The following METTL25 variants were observed in gnomAD, a reference collection of about 807,000 sequenced individuals.
METTL25 encodes probable methyltransferase-like protein 25.
A neutral mutation model predicts 71.6 loss-of-function variants in METTL25; 64 were observed. The observed-to-expected ratio is 0.89, with a 90% CI of 0.73 to 1.10. METTL25 has a LOEUF of 1.10. Among genes scored for constraint, METTL25 ranks in the 50% least tolerant of loss-of-function variants. The pLI is 0.00. For synonymous variants in METTL25, 287 were observed against 250.3 expected (o/e 1.15, Z -1.38); for missense variants, 807 against 707.0 (o/e 1.14, Z -1.60).
At chr12:82,477,248 C>T in intron 10 of METTL25, 33 bp from the exon 11 acceptor site, 1 of 999,866 alleles carries the variant, frequency 1.0e-6, no homozygotes, top group Non-Finnish European at 1.5e-6. Flanking sequence ...TTTTAAGTAC[C>T]ACCAACCTAC....
chr12:82,383,994 T>G (rs1232765559), intron 1 of METTL25, among the ~76,000 whole-genome samples: 2 of 152,164 alleles, frequency 1.3e-5, no homozygotes, highest in African/African-American at 2.4e-5. Flanking sequence ...ATAACTTGTC[T>G]TATCAGAAAC....
At chr12:82,440,947 G>C (rs1890274510) in intron 8 of METTL25, among the ~76,000 whole-genome samples, 2 of 152,090 alleles carry the variant, frequency 1.3e-5, no homozygotes, top group South Asian at 4.1e-4. Flanking sequence ...AGCAGGATCT[G>C]TCAGTTCTGG....
intron 6 of METTL25, among the ~76,000 whole-genome samples, chr12:82,431,487 AAATTAAAAT>A (rs1889496020): frequency 1.3e-5 from 2 of 151,654 alleles, no homozygotes; most frequent in Non-Finnish European, 3.0e-5. Flanking sequence ...TGTTATCAGA[AAATTAAAAT>A]ACTGCAGCTA....
intron 1 of METTL25, among the ~76,000 whole-genome samples, chr12:82,372,689 A>G (rs572032001): frequency 2.0e-4 from 31 of 152,104 alleles, no homozygotes; most frequent in Non-Finnish European, 2.6e-4. Flanking sequence ...TGCAGGTCAA[A>G]TTGGTCCCAG....
rs1202430934 is a variant in METTL25, at chr12:82,438,777, T to C, written c.1464T>C (p.Tyr488=). The change falls in exon 8 of 12, where the codon TAT becomes TAC. Residue 488 remains tyrosine (Y), a synonymous_variant. Coordinates refer to ENST00000248306, the MANE Select transcript of METTL25 (RefSeq NM_032230.3). Reference sequence around the variant, plus strand: ...TTCAGGATATTATTAAAGATTGTTATGGCATCACCAAATGGTATGAGGATT... The same window carrying C: ...TTCAGGATATTATTAAAGATTGTTACGGCATCACCAAATGGTATGAGGATT... The part of the protein sequence containing the change: ...AVLQDIIKDC[Y]GITKCDRHVG... 1.3e-6 allele frequency: 2 copies of C among 1,509,002 alleles called. No homozygotes were observed. Among genetic ancestry groups the C allele is most frequent in the African/African-American group, 1.4e-5 (1 of 71,638 alleles). 93.5% of individuals were successfully genotyped at this position (1,509,002 alleles called of 1,614,324 possible).
chr12:82,379,931 A>T (rs1884260841), intron 1 of METTL25, among the ~76,000 whole-genome samples: 1 of 152,182 alleles, frequency 6.6e-6, no homozygotes, highest in Non-Finnish European at 1.5e-5. Flanking sequence ...TCCCACATTT[A>T]AAAGCTAAGT....
chr12:82,406,822 T>C (rs914642524), intron 5 of METTL25, among the ~76,000 whole-genome samples: 14 of 152,288 alleles, frequency 9.2e-5, no homozygotes, highest in African/African-American at 3.4e-4. Flanking sequence ...CGTGTGGTGA[T>C]ATCCACTGTG....
At chr12:82,395,159 C>T (rs1342439478) in intron 3 of METTL25, among the ~76,000 whole-genome samples, 1 of 152,002 alleles carries the variant, frequency 6.6e-6, no homozygotes, top group Non-Finnish European at 1.5e-5. Context: ...ATATTTGCCT[C>T]TTTTCTTTAC....
intron 5 of METTL25, among the ~76,000 whole-genome samples, chr12:82,424,490 C>G (rs1888824477): frequency 6.6e-6 from 1 of 151,834 alleles, no homozygotes; most frequent in African/African-American, 2.4e-5. Context: ...ACATATGTAA[C>G]TAACCTGCAC....
intron 9 of METTL25, among the ~76,000 whole-genome samples, chr12:82,466,371 G>A (rs1892234053): frequency 6.6e-6 from 1 of 150,510 alleles, no homozygotes. Context: ...GGTCATTCAG[G>A]AGCATGTTTT....
chr12:82,458,589 T>A (rs757678589), intron 9 of METTL25, among the ~76,000 whole-genome samples: 1 of 151,948 alleles, frequency 6.6e-6, no homozygotes, highest in African/African-American at 2.4e-5. Context: ...CTTTGTGAGT[T>A]TTACCTTAAT....
chr12:82,368,817 A>G (rs1042605622), intron 1 of METTL25, among the ~76,000 whole-genome samples: 1 of 152,176 alleles, frequency 6.6e-6, no homozygotes, highest in African/African-American at 2.4e-5. Flanking sequence ...AAGTCTATAT[A>G]ACCAGTCAGT....
chr12:82,414,392 G>A (rs948395148), intron 5 of METTL25, among the ~76,000 whole-genome samples: 3 of 152,086 alleles, frequency 2.0e-5, no homozygotes, highest in Non-Finnish European at 4.4e-5. Flanking sequence ...TTTGCCATGG[G>A]GCATGTTCTT....
chr12:82,402,138 A>T (rs141546966), intron 4 of METTL25, among the ~76,000 whole-genome samples: 36 of 152,168 alleles, frequency 2.4e-4, no homozygotes, highest in African/African-American at 8.4e-4. Context: ...ATTAGAATAA[A>T]CATTTCATAG....
chr12:82,439,590 A>T (rs577589508), intron 8 of METTL25, among the ~76,000 whole-genome samples: 2 of 151,844 alleles, frequency 1.3e-5, no homozygotes, highest in African/African-American at 4.8e-5. Context: ...CTTTTTACGG[A>T]TAGAAGTTAC....
rs559663131 is a variant in METTL25, at chr12:82,373,526, C to T, written c.260-13277C>T. On this transcript the variant is annotated intron_variant, in intron 1 of 11. Transcript: ENST00000248306. The stretch of plus-strand genomic sequence containing the variant: ...AGAGACAGGGAGTGGTTTTTAGAAG[C>T]GGGACTAGCCTTGGAGAAGAGAGGT... Among the ~76,000 whole-genome samples, 9 of 152,152 alleles carry T rather than the reference C, an allele frequency of 5.9e-5. No homozygotes were observed. In the South Asian group the frequency reaches 8.3e-4, roughly 14 times the overall value.
In METTL25 at chr12:82,402,423, A is replaced by G. The variant is rs922765169; in HGVS notation, c.1132-560A>G. Among the ~76,000 whole-genome samples, 4 of 152,266 alleles carry G rather than the reference A, an allele frequency of 2.6e-5. No individual in the cohort carries two copies. The East Asian group carries it at 7.7e-4, about 29-fold the overall frequency. On this transcript the variant is annotated intron_variant, in intron 4 of 11. Coordinates refer to ENST00000248306, the MANE Select transcript of METTL25 (RefSeq NM_032230.3). Reference sequence around the variant, plus strand: ...GGTTTGGTCTAGAAATACATGTTACATTTGATTAGTCCAATTTTTGCTTTG... The same window carrying G: ...GGTTTGGTCTAGAAATACATGTTACGTTTGATTAGTCCAATTTTTGCTTTG...
chr12:82,402,144 CAT>C (rs1214763317), intron 4 of METTL25, among the ~76,000 whole-genome samples: 1 of 151,820 alleles, frequency 6.6e-6, no homozygotes, highest in African/African-American at 2.4e-5. Flanking sequence ...ATAAACATTT[CAT>C]AGGAGAATTT....
At chr12:82,399,926 C>G (rs1332283248) in intron 4 of METTL25, among the ~76,000 whole-genome samples, 3 of 139,846 alleles carry the variant, frequency 2.1e-5, no homozygotes, top group Non-Finnish European at 4.5e-5. Context: ...TTCTAGAGAT[C>G]GTTTGGCCTA....
Sources: allele counts gnomAD v4.1 joint callset (sites outside exome capture counted in the v4.1 genomes callset), GRCh38; gene constraint gnomAD v4.1.1; transcripts MANE v1.5; gene names NCBI Gene and HGNC (gene_info 2026-07-23, HGNC 2026-07-21).